The following SAXO5 variants were observed in gnomAD, a reference collection of about 807,000 sequenced individuals.
SAXO5 encodes stabilizer of axonemal microtubules 5.
chr19:7,505,322 A>C, the SAXO5 span: 27 of 1,613,392 alleles, frequency 1.7e-5, no homozygotes, highest in Non-Finnish European at 2.2e-5. Flanking sequence ...CACTACGTAC[A>C]GGTATGACAA....
the SAXO5 span, chr19:7,505,777 A>C: frequency 1.1e-6 from 1 of 932,838 alleles, no homozygotes; most frequent in Non-Finnish European, 1.6e-6. Flanking sequence ...TCACTTAACC[A>C]CTCCGATCCT....
At chr19:7,498,180 C>CAT in the SAXO5 span, among the ~76,000 whole-genome samples, 12 of 147,644 alleles carry the variant, frequency 8.1e-5, no homozygotes, top group African/African-American at 2.7e-4. Flanking sequence ...TACACACACA[C>CAT]ACACACACAC....
At chr19:7,500,802 G>A in the SAXO5 span, 4 of 1,437,626 alleles carry the variant, frequency 2.8e-6, no homozygotes, top group African/African-American at 6.0e-5. Context: ...CCACCCTCTC[G>A]CAGGTGGCTG....
the SAXO5 span, chr19:7,506,184 C>CCCCGCCCCATGGAGG: frequency 1.3e-6 from 2 of 1,569,746 alleles, no homozygotes; most frequent in Non-Finnish European, 1.7e-6. Flanking sequence ...TCCCGGGAAG[C>CCCCGCCCCATGGAGG]CCCGCCCCAT....
the SAXO5 span, among the ~76,000 whole-genome samples, chr19:7,504,663 A>G: frequency 0.024 from 3,576 of 150,618 alleles, 61 homozygotes; most frequent in Middle Eastern, 0.062. Flanking sequence ...CCAAGATTGC[A>G]CCACTGCACT....
At chr19:7,501,203 C>A in the SAXO5 span, 1 of 1,540,276 alleles carries the variant, frequency 6.5e-7, no homozygotes, top group African/African-American at 1.4e-5. Context: ...GCCTCTCCAA[C>A]GCGCACGCCG....
At chr19:7,499,348 G>A in the SAXO5 span, among the ~76,000 whole-genome samples, 2 of 138,744 alleles carry the variant, frequency 1.4e-5, no homozygotes, top group Non-Finnish European at 3.1e-5. Context: ...AGAGAAGGTA[G>A]GGAAGTGAAA....
At chr19:7,498,172 C>CAT in the SAXO5 span, among the ~76,000 whole-genome samples, 1 of 113,404 alleles carries the variant, frequency 8.8e-6, no homozygotes, top group Non-Finnish European at 1.9e-5. Context: ...CACACACATA[C>CAT]ACACACACAC....
the SAXO5 span, chr19:7,507,206 A>G: frequency 7.3e-7 from 1 of 1,370,382 alleles, no homozygotes; most frequent in Admixed American, 1.8e-5. Context: ...GAGTTATCTC[A>G]GGACGACTAT....
chr19:7,506,124 A>G, the SAXO5 span: 2 of 1,612,238 alleles, frequency 1.2e-6, no homozygotes, highest in Non-Finnish European at 1.7e-6. Context: ...AAAGCGCCCA[A>G]CCTCCACTTG....
the SAXO5 span, chr19:7,505,907 C>G: frequency 2.0e-6 from 3 of 1,505,636 alleles, no homozygotes; most frequent in East Asian, 2.3e-5. Context: ...CTCCCTCCCC[C>G]CCGGGCCCGG....
chr19:7,506,198 G>GCCCCGCCCCATGGAA, the SAXO5 span: 1 of 1,491,716 alleles, frequency 6.7e-7, no homozygotes, highest in African/African-American at 1.5e-5. Flanking sequence ...GCCCCATGGA[G>GCCCCGCCCCATGGAA]CCCCGCCCCG....
the SAXO5 span, chr19:7,501,112 T>A: frequency 6.6e-7 from 1 of 1,505,664 alleles, no homozygotes; most frequent in African/African-American, 1.4e-5. Context: ...TGGGAGCTGC[T>A]GCAAGCGCAG....
the SAXO5 span, chr19:7,505,437 G>A: frequency 1.9e-6 from 3 of 1,613,992 alleles, no homozygotes; most frequent in South Asian, 1.1e-5. Flanking sequence ...AGGGAGCCAG[G>A]TGAGAGCCTG....
the SAXO5 span, chr19:7,501,321 A>C: frequency 6.4e-7 from 1 of 1,572,114 alleles, no homozygotes; most frequent in Non-Finnish European, 8.6e-7. Context: ...CAAGTTGCGC[A>C]TCCCGCCCAC....
At chr19:7,501,068 G>C in the SAXO5 span, 1 of 1,501,532 alleles carries the variant, frequency 6.7e-7, no homozygotes, top group Non-Finnish European at 8.8e-7. Flanking sequence ...TGTCGGAGGC[G>C]CACCGCGCGT....
the SAXO5 span, chr19:7,506,454 C>T: frequency 2.1e-6 from 1 of 487,330 alleles, no homozygotes; most frequent in Non-Finnish European, 3.8e-6. Flanking sequence ...ATGCCTCTCC[C>T]CTTCATAACT....
chr19:7,507,073 A>G, the SAXO5 span: 1 of 1,613,916 alleles, frequency 6.2e-7, no homozygotes. Context: ...TTTTTTAACC[A>G]TGAACCAGAA....
At chr19:7,500,735 T>C in the SAXO5 span, 1 of 1,248,324 alleles carries the variant, frequency 8.0e-7, no homozygotes, top group Non-Finnish European at 1.0e-6. Flanking sequence ...CAGAAAGGAG[T>C]CAAAAGCAGG....
Sources: allele counts gnomAD v4.1 joint callset (sites outside exome capture counted in the v4.1 genomes callset), GRCh38; gene constraint gnomAD v4.1.1; transcripts MANE v1.5; gene names NCBI Gene and HGNC (gene_info 2026-07-23, HGNC 2026-07-21).